RNF14: variants seen among roughly 807,000 people sequenced by gnomAD.
RNF14 encodes ring finger protein 14, also known as E3 ubiquitin-protein ligase RNF14.
Under a neutral mutation model 52.6 loss-of-function variants are expected in RNF14, and 26 were observed. That is an observed-to-expected ratio of 0.49 (90% CI 0.36 to 0.69). The LOEUF is 0.69. Ranked by LOEUF, RNF14 falls within the 30% of genes least tolerant of loss-of-function variation. The pLI is 0.00. For synonymous variants in RNF14, 194 were observed against 202.0 expected, an observed-to-expected ratio of 0.96 and a Z score of 0.34; for missense variants, 404 against 560.4, an observed-to-expected ratio of 0.72 and a Z score of 2.82.
chr5:141,982,464 T>C (rs1754869972), intron 6 of RNF14, among the ~76,000 whole-genome samples: 2 of 152,210 alleles, frequency 1.3e-5, no homozygotes, highest in Non-Finnish European at 2.9e-5. Flanking sequence ...AAAAGGGAGA[T>C]AGACTTCCAA....
chr5:141,985,872 A>G (rs1489591190), intron 8 of RNF14, among the ~76,000 whole-genome samples: 1 of 152,212 alleles, frequency 6.6e-6, no homozygotes, highest in Admixed American at 6.5e-5. Context: ...CTTTTTGAAG[A>G]GTCCAGGTCA....
upstream of RNF14, chr5:141,956,015 A>G (rs773781108): frequency 1.3e-5 from 21 of 1,613,936 alleles, 1 homozygote; most frequent in Middle Eastern, 1.6e-4. Context: ...AATGGCCGGG[A>G]GCTGTGAGTG....
At chr5:141,960,918 C>T (rs142256015) in intron 1 of RNF14, among the ~76,000 whole-genome samples, 16 of 152,194 alleles carry the variant, frequency 1.1e-4, no homozygotes, top group African/African-American at 3.4e-4. Context: ...TGGCCAAAGG[C>T]AGAGAAAACG....
chr5:141,955,998 C>T, upstream of RNF14: 4 of 1,614,194 alleles, frequency 2.5e-6, no homozygotes, highest in Non-Finnish European at 3.4e-6. The surrounding 1 kb of genome is among the most constrained non-coding windows in gnomAD (Gnocchi z 5.5). Context: ...CAATGGTTGT[C>T]AAAAGGAATG....
intron 4 of RNF14, among the ~76,000 whole-genome samples, chr5:141,975,687 TAATG>T (rs1754179304): frequency 6.6e-6 from 1 of 152,226 alleles, no homozygotes; most frequent in South Asian, 2.1e-4. Flanking sequence ...CTAGAAGTCA[TAATG>T]AAGATCAATA....
rs1561553826 is a variant in RNF14, at chr5:141,980,214, GC to G, written c.931del (p.Arg311GlyfsTer8). The G allele has an allele frequency of 6.2e-7, 1 of 1,614,198 alleles. No individual in the cohort carries two copies. Among genetic ancestry groups the G allele is most frequent in the Non-Finnish European group, 8.5e-7 (1 of 1,180,032 alleles). On this transcript the variant is annotated frameshift_variant, in exon 6 of 9. Coordinates refer to ENST00000394520, the MANE Select transcript of RNF14 (RefSeq NM_004290.5). LOFTEE classifies it high-confidence loss of function. ...GACCTGATGGCAGATGTGGTGTACT[GC>G]CCCCGGCCGTGCTGCCAGCTGCCTG... is the stretch of plus-strand genomic sequence containing the variant. ...SLDLMADVVY[C>X]PRPCCQLPVM... is the part of the protein sequence containing the mutation.
intron 4 of RNF14, among the ~76,000 whole-genome samples, chr5:141,975,505 T>C (rs1754165862): frequency 6.6e-6 from 1 of 152,238 alleles, no homozygotes; most frequent in Admixed American, 6.5e-5. Flanking sequence ...ATAGTTCCTG[T>C]AGATATCTCA....
At chr5:141,975,038 G>T in intron 4 of RNF14, 83 bp downstream of exon 4, 1 of 1,412,454 alleles carries the variant, frequency 7.1e-7, no homozygotes, top group South Asian at 1.2e-5. Flanking sequence ...TAAAGATCTT[G>T]AATTCAGTGC....
chr5:141,981,851 CAAAA>C (rs948599356), intron 6 of RNF14, among the ~76,000 whole-genome samples: 4 of 108,584 alleles, frequency 3.7e-5, no homozygotes, highest in Admixed American at 9.7e-5. Context: ...GACCCTGTCT[CAAAA>C]AAAAAAAAAG....
At chr5:141,976,102 T>C (rs1754223448) in intron 4 of RNF14, among the ~76,000 whole-genome samples, 1 of 152,166 alleles carries the variant, frequency 6.6e-6, no homozygotes, top group Non-Finnish European at 1.5e-5. Flanking sequence ...AATTAAACCT[T>C]AAAAAGGATA....
the RNF14 span, among the ~76,000 whole-genome samples, chr5:141,949,862 T>C: frequency 6.6e-6 from 1 of 152,170 alleles, no homozygotes; most frequent in Non-Finnish European, 1.5e-5. Context: ...GCCTGGCACA[T>C]TGTAAGCACT....
Position 141,987,709 on chromosome 5 carries a change from A to C in RNF14, c.1368-24A>C, listed in dbSNP as rs951797201. On this transcript the variant is annotated intron_variant, in intron 8 of 8. Coordinates refer to ENST00000394520, the MANE Select transcript of RNF14 (RefSeq NM_004290.5). ...TATTGTTTCGTTCAAGTGTATAAAA[A>C]TGTACCTTTTTTAATGCTTCCAGGC... The C allele has an allele frequency of 4.3e-6, 7 of 1,612,830 alleles. 1 individual carries two copies. The African/African-American group carries it at 9.3e-5, about 22-fold the overall frequency.
chr5:141,972,223 G>A (rs1171750018), intron 2 of RNF14, among the ~76,000 whole-genome samples: 1 of 124,872 alleles, frequency 8.0e-6, no homozygotes, highest in African/African-American at 3.3e-5. Flanking sequence ...AGGACCTGGC[G>A]CTATTTGGAG....
At position 141,973,608 on chromosome 5, in the gene RNF14, A is replaced by C. The variant is rs547015961; in HGVS notation, c.20A>C (p.Glu7Ala). 21 of 1,609,736 alleles carry C rather than the reference A, an allele frequency of 1.3e-5. No homozygotes were observed. The highest frequency in any genetic ancestry group is 1.8e-5 in the Non-Finnish European group (21 of 1,178,942). ...GTCCTTATGTCGTCAGAAGATCGAG[A>C]AGCTCAGGAGGATGAATTGCTGGCC... Reference protein sequence around the residue: MSSEDREAQEDELLALA... With the variant: MSSEDRAAQEDELLALA... Residue 7 changes from glutamate (E) to alanine (A), a missense_variant, in exon 3 of 9, where the codon GAA becomes GCA. Physicochemically the swap from Glu to Ala is moderately radical, Grantham distance 107. Coordinates refer to ENST00000394520, the MANE Select transcript of RNF14 (RefSeq NM_004290.5).
upstream of RNF14, chr5:141,955,933 C>T (rs164515): frequency 0.27 from 439,510 of 1,613,990 alleles, 63,470 homozygotes; most frequent in Non-Finnish European, 0.3. The surrounding 1 kb of genome is among the most constrained non-coding windows in gnomAD (Gnocchi z 5.5). Context: ...TTCATTTCCA[C>T]TGCGGATGCT....
rs547408704 is a variant in RNF14, at chr5:141,977,441, A to G, written c.307-862A>G. On this transcript the variant is annotated intron_variant, in intron 4 of 8. Coordinates refer to ENST00000394520, the MANE Select transcript of RNF14 (RefSeq NM_004290.5). Reference sequence around the variant, plus strand: ...TGCCATCTGGAAGGCATATTTTTGGATGTTTACCTAAAAAAGAAAAGCTGC... The same window carrying G: ...TGCCATCTGGAAGGCATATTTTTGGGTGTTTACCTAAAAAAGAAAAGCTGC... Among the ~76,000 whole-genome samples, 28 of 152,338 alleles carry G rather than the reference A, an allele frequency of 1.8e-4. No homozygotes were observed. The South Asian group carries it at 5.8e-3, about 32-fold the overall frequency.
upstream of RNF14, among the ~76,000 whole-genome samples, chr5:141,962,836 C>T (rs756694511): frequency 6.6e-6 from 1 of 152,228 alleles, no homozygotes; most frequent in South Asian, 2.1e-4. Context: ...GTCTTTCTCC[C>T]CAACCTTCGA....
upstream of RNF14, among the ~76,000 whole-genome samples, chr5:141,964,790 T>TC (rs1339406966): frequency 6.7e-6 from 1 of 149,214 alleles, no homozygotes; most frequent in African/African-American, 2.5e-5. Context: ...ATTTTTTTTT[T>TC]TTTTTTTTGT....
At chr5:141,978,859 T>A (rs1754498260) in intron 5 of RNF14, 29 bp downstream of exon 5, 2 of 1,597,680 alleles carry the variant, frequency 1.3e-6, no homozygotes, top group Non-Finnish European at 1.7e-6. Flanking sequence ...GATGGTTGCC[T>A]CCTAATTCTC....
Sources: allele counts gnomAD v4.1 joint callset (sites outside exome capture counted in the v4.1 genomes callset), GRCh38; gene constraint gnomAD v4.1.1; non-coding constraint Gnocchi (gnomAD v3.1); transcripts MANE v1.5; gene names NCBI Gene and HGNC (gene_info 2026-07-23, HGNC 2026-07-21).